CNTNAP2: variants seen among roughly 807,000 people sequenced by gnomAD.
CNTNAP2 encodes contactin associated protein 2.
Under a neutral mutation model 155.2 loss-of-function variants are expected in CNTNAP2, and 98 were observed. The observed-to-expected ratio is 0.63, with a 90% CI of 0.54 to 0.75. CNTNAP2 has a LOEUF of 0.75. Ranked by LOEUF, CNTNAP2 falls within the 30% of genes least tolerant of loss-of-function variation. The probability of loss-of-function intolerance (pLI) is 0.00; values close to 1 mark genes in which losing one functional copy is unlikely to be tolerated. For synonymous variants in CNTNAP2, 651 were observed against 631.2 expected (o/e 1.03, Z -0.47); for missense variants, 1,727 against 1,688.1 (o/e 1.02, Z -0.40).
At chr7:147,265,993 A>G (rs545759544) in intron 8 of CNTNAP2, among the ~76,000 whole-genome samples, 4 of 152,184 alleles carry the variant, frequency 2.6e-5, no homozygotes, top group African/African-American at 4.8e-5. Flanking sequence ...AAGGTCAGCA[A>G]CCTCAAAGAT....
intron 3 of CNTNAP2, among the ~76,000 whole-genome samples, chr7:146,858,949 T>C (rs1284117755): frequency 6.6e-6 from 1 of 152,162 alleles, no homozygotes; most frequent in Non-Finnish European, 1.5e-5. Flanking sequence ...GAATCTGGCA[T>C]TGGAGAAATG....
chr7:148,172,845 C>G (rs1423972925), intron 18 of CNTNAP2, among the ~76,000 whole-genome samples: 1 of 152,120 alleles, frequency 6.6e-6, no homozygotes, highest in Non-Finnish European at 1.5e-5. Flanking sequence ...ATCAATTGAT[C>G]AGTCAATTTC....
chr7:147,530,868 G>A (rs1426063269), intron 11 of CNTNAP2, among the ~76,000 whole-genome samples: 1 of 152,142 alleles, frequency 6.6e-6, no homozygotes, highest in Non-Finnish European at 1.5e-5. Flanking sequence ...TTCCACCTAT[G>A]AGCCTGTAAA....
At position 148,048,031 on chromosome 7, in the gene CNTNAP2, C is replaced by T. The variant is rs181621201; in HGVS notation, c.2383+70042C>T. 1.4e-3 allele frequency among the ~76,000 whole-genome samples: 210 copies of T among 152,164 alleles called. 1 individual carries two copies. Among genetic ancestry groups the T allele is most frequent in the African/African-American group, 5.0e-3 (209 of 41,512 alleles). On this transcript the variant is annotated intron_variant, in intron 15 of 23. Transcript: ENST00000361727. ...CTCCACCTCCCAGGTTCACGCCATT[C>T]TCCTGCCTCAGCCTCCCCAGTAGCT...
intron 12 of CNTNAP2, among the ~76,000 whole-genome samples, chr7:147,630,317 A>T (rs565923387): frequency 3.2e-4 from 12 of 37,482 alleles, no homozygotes; most frequent in African/African-American, 2.4e-3. Flanking sequence ...AAACAGTAGT[A>T]AAAAAAAAAA....
chr7:148,054,779 C>T (rs1055654179), intron 15 of CNTNAP2, among the ~76,000 whole-genome samples: 5 of 152,004 alleles, frequency 3.3e-5, no homozygotes, highest in African/African-American at 1.2e-4. Flanking sequence ...CAGTAAAACT[C>T]TCAAGTAATG....
At chr7:148,213,952 C>G (rs1795593005) in intron 18 of CNTNAP2, among the ~76,000 whole-genome samples, 1 of 152,228 alleles carries the variant, frequency 6.6e-6, no homozygotes, top group Non-Finnish European at 1.5e-5. Flanking sequence ...TGAAGTTTGT[C>G]CAGGCGGCAT....
chr7:148,015,761 T>C (rs1209841709), intron 15 of CNTNAP2, among the ~76,000 whole-genome samples: 1 of 152,078 alleles, frequency 6.6e-6, no homozygotes, highest in Non-Finnish European at 1.5e-5. Context: ...AGTAAGAAAA[T>C]TGATTTTTTG....
In CNTNAP2 at chr7:147,991,054, C is replaced by T. The variant is rs535240971; in HGVS notation, c.2383+13065C>T. ...GCATGGACCCAGGCATGGTCCCTGG[C>T]GCTCACTATGAATAACAAACACTCC... On this transcript the variant is annotated intron_variant, in intron 15 of 23. Coordinates refer to ENST00000361727, the MANE Select transcript of CNTNAP2 (RefSeq NM_014141.6). 1.4e-4 allele frequency among the ~76,000 whole-genome samples: 22 copies of T among 152,190 alleles called. No individual in the cohort carries two copies. In the East Asian group the frequency reaches 1.9e-3, roughly 13 times the overall value.
chr7:146,602,697 G>A (rs1268429523), intron 1 of CNTNAP2, among the ~76,000 whole-genome samples: 2 of 152,090 alleles, frequency 1.3e-5, no homozygotes, highest in Non-Finnish European at 2.9e-5. Flanking sequence ...TTATTTCAGA[G>A]GGTAAAAAAT....
chr7:148,083,894 G>C (rs777832658), intron 15 of CNTNAP2, among the ~76,000 whole-genome samples: 2 of 152,070 alleles, frequency 1.3e-5, no homozygotes, highest in African/African-American at 2.4e-5. Flanking sequence ...AATTGCACTT[G>C]TTTTCTTAAG....
intron 4 of CNTNAP2, among the ~76,000 whole-genome samples, chr7:147,095,719 G>T (rs918373040): frequency 1.3e-5 from 2 of 152,012 alleles, no homozygotes; most frequent in Non-Finnish European, 1.5e-5. Flanking sequence ...CTACAGAAAC[G>T]AGGCAGAAAA....
chr7:146,255,078 T>C (rs1799817704), intron 1 of CNTNAP2, among the ~76,000 whole-genome samples: 1 of 152,084 alleles, frequency 6.6e-6, no homozygotes, highest in African/African-American at 2.4e-5. Context: ...GGTAGAATAA[T>C]TCAGATCTCA....
intron 13 of CNTNAP2, among the ~76,000 whole-genome samples, chr7:147,736,917 G>T (rs541018756): frequency 3.9e-5 from 6 of 152,076 alleles, no homozygotes; most frequent in African/African-American, 1.4e-4. Flanking sequence ...CTAGTTAGCC[G>T]TTTGTCAAAT....
intron 11 of CNTNAP2, among the ~76,000 whole-genome samples, chr7:147,510,628 T>TA (rs1342355118): frequency 6.6e-6 from 1 of 151,462 alleles, no homozygotes; most frequent in Non-Finnish European, 1.5e-5. Flanking sequence ...CAAAATAGAT[T>TA]AAAAAAATCT....
At chr7:147,192,891 C>T (rs1002801603) in intron 8 of CNTNAP2, among the ~76,000 whole-genome samples, 3 of 152,132 alleles carry the variant, frequency 2.0e-5, no homozygotes, top group Admixed American at 6.5e-5. Context: ...CTCTATTTGA[C>T]TGTAATGGGC....
chr7:147,710,201 A>G (rs920515724), intron 13 of CNTNAP2, among the ~76,000 whole-genome samples: 3 of 152,096 alleles, frequency 2.0e-5, no homozygotes, highest in African/African-American at 7.3e-5. Context: ...ACAACTCTTT[A>G]TTGGTATCAT....
rs540261074 is a variant in CNTNAP2, at chr7:148,159,015, C to T, written c.2773+11306C>T. ...AGTTCCTCCCACAGTACACTATGAG[C>T]GTGAGAAAAAAGAGGCCCACTTTTA... On this transcript the variant is annotated intron_variant, in intron 17 of 23. Transcript: ENST00000361727. Among the ~76,000 whole-genome samples, 82 of 152,146 alleles carry T rather than the reference C, an allele frequency of 5.4e-4. 1 individual carries two copies. Among genetic ancestry groups the T allele is most frequent in the Non-Finnish European group, 1.0e-3 (68 of 67,996 alleles).
chr7:146,129,924 AT>A lies in CNTNAP2; in HGVS notation c.97+12955del, dbSNP rs201989607. 5.1e-3 allele frequency among the ~76,000 whole-genome samples: 776 copies of A among 152,306 alleles called. 5 individuals carry two copies. The highest frequency in any genetic ancestry group is 0.018 in the African/African-American group (735 of 41,562). ...TTAAGGAAACTCTTTCTGTTATAAC[AT>A]TTTAGCTAAAACCTAAAGAAAAAGC... On this transcript the variant is annotated intron_variant, in intron 1 of 23. Coordinates refer to ENST00000361727, the MANE Select transcript of CNTNAP2 (RefSeq NM_014141.6).
Sources: allele counts gnomAD v4.1 joint callset (sites outside exome capture counted in the v4.1 genomes callset), GRCh38; gene constraint gnomAD v4.1.1; transcripts MANE v1.5; gene names NCBI Gene and HGNC (gene_info 2026-07-23, HGNC 2026-07-21).